The following STRN variants were observed in gnomAD, a reference collection of about 807,000 sequenced individuals.
STRN encodes the protein protein phosphatase 2 regulatory subunit B'''alpha.
In STRN, 53 loss-of-function variants were observed where a neutral mutation model predicts 96.3. That is an observed-to-expected ratio of 0.55 (90% CI 0.44 to 0.69). The LOEUF (loss-of-function observed/expected upper bound fraction) is 0.69. Ranked by LOEUF, STRN falls within the 30% of genes least tolerant of loss-of-function variation. STRN has a pLI of 0.00. For missense variants in STRN, 987 were observed against 963.9 expected (o/e 1.02, Z -0.32); for synonymous variants, 428 against 355.9 (o/e 1.20, Z -2.28).
chr2:36,911,184 A>C (rs181315158), intron 3 of STRN, among the ~76,000 whole-genome samples: 77 of 152,292 alleles, frequency 5.1e-4, no homozygotes, highest in African/African-American at 1.7e-3. Context: ...AAACTTCTAC[A>C]TCATCTTGAG....
At chr2:36,957,736 C>CTTTTTTTT (rs1470880818) in intron 1 of STRN, among the ~76,000 whole-genome samples, 1 of 96,298 alleles carries the variant, frequency 1.0e-5, no homozygotes, top group African/African-American at 3.5e-5. Context: ...CATAGTTCTT[C>CTTTTTTTT]TTTTTGTCTT....
rs1312697442 is a variant in STRN, at chr2:36,858,038, A to T, written c.1670-15T>A. 2.6e-6 allele frequency: 4 copies of T among 1,538,568 alleles called. No individual in the cohort carries two copies. Among genetic ancestry groups the T allele is most frequent in the Non-Finnish European group, 3.5e-6 (4 of 1,137,704 alleles). ...AACAGAAGGATCTATACAAAACAGT[A>T]AAAATGCAAAATCAGGAGAAAAACA... On this transcript the variant is annotated splice_polypyrimidine_tract_variant and intron_variant, in intron 13 of 17. Coordinates refer to ENST00000263918, the MANE Select transcript of STRN (RefSeq NM_003162.4).
At chr2:36,909,974 AC>A (rs1669922100) in intron 3 of STRN, among the ~76,000 whole-genome samples, 1 of 152,112 alleles carries the variant, frequency 6.6e-6, no homozygotes, top group Non-Finnish European at 1.5e-5. Context: ...GGAGTTCTAG[AC>A]CAGCCTGGCC....
rs957755080 is a variant in STRN at position 36,930,650 on chromosome 2, G to A, written c.235-5442C>T. 5.7e-4 allele frequency among the ~76,000 whole-genome samples: 86 copies of A among 152,096 alleles called. 1 individual carries two copies. The highest frequency in any genetic ancestry group is 6.8e-3 in the Middle Eastern group (2 of 294). ...CCTTGGAGAACCACTGACTTAAACC[G>A]TTTGTAACACAGTTAGGAGGCCAAA... On this transcript the variant is annotated intron_variant, in intron 1 of 17. Coordinates refer to ENST00000263918, the MANE Select transcript of STRN (RefSeq NM_003162.4).
intron 1 of STRN, among the ~76,000 whole-genome samples, chr2:36,935,369 A>T (rs747209262): frequency 1.2e-4 from 19 of 152,230 alleles, no homozygotes; most frequent in Non-Finnish European, 2.4e-4. Context: ...TATGAGACTT[A>T]TATTAATGTT....
intron 1 of STRN, among the ~76,000 whole-genome samples, chr2:36,962,926 A>G (rs1207367776): frequency 6.6e-6 from 1 of 152,186 alleles, no homozygotes; most frequent in Non-Finnish European, 1.5e-5. Flanking sequence ...CATCTAGCAC[A>G]ATGCCTCACA....
chr2:36,867,631 C>A, intron 12 of STRN, 183 bp downstream of exon 12: 2 of 389,794 alleles, frequency 5.1e-6, no homozygotes, highest in Non-Finnish European at 9.1e-6. Flanking sequence ...CTAATTTAAG[C>A]ACAAATCCCT....
intron 11 of STRN, among the ~76,000 whole-genome samples, chr2:36,868,862 G>T (rs1250803391): frequency 6.6e-6 from 1 of 150,824 alleles, no homozygotes; most frequent in Non-Finnish European, 1.5e-5. Flanking sequence ...TTTGCTGGCA[G>T]ATGCTGGTTC....
intron 9 of STRN, among the ~76,000 whole-genome samples, chr2:36,879,562 T>C (rs1270987375): frequency 6.6e-6 from 1 of 152,250 alleles, no homozygotes; most frequent in Non-Finnish European, 1.5e-5. Flanking sequence ...ATAATGATTT[T>C]ATTTAATTTG....
intron 1 of STRN, among the ~76,000 whole-genome samples, chr2:36,959,357 A>G (rs2148279449): frequency 6.6e-6 from 1 of 152,376 alleles, no homozygotes; most frequent in South Asian, 2.1e-4. Flanking sequence ...AGAAAACTGT[A>G]AAGAGTGCTG....
Position 36,846,430 on chromosome 2 carries a change from GT to G in STRN, c.*3025del, listed in dbSNP as rs1668079731. On this transcript the variant is annotated 3_prime_UTR_variant, in exon 18 of 18. Coordinates refer to ENST00000263918, the MANE Select transcript of STRN (RefSeq NM_003162.4). ...ATATATATATATATATATATATATA[GT>G]TTATATATTATATATATTCTTACAA... 1 of 63,666 alleles carries G rather than the reference GT, an allele frequency of 1.6e-5. No homozygotes were observed. The highest frequency in any genetic ancestry group is 5.0e-4 in the East Asian group (1 of 1,994). The allele number at this position is 63,666 out of a possible 1,614,324, so 3.9% of individuals were successfully genotyped here.
intron 1 of STRN, among the ~76,000 whole-genome samples, chr2:36,926,327 C>T (rs934474592): frequency 4.6e-5 from 7 of 152,184 alleles, no homozygotes; most frequent in African/African-American, 1.7e-4. Context: ...CATAATACCT[C>T]TTAAAAGTCA....
intron 12 of STRN, among the ~76,000 whole-genome samples, chr2:36,866,377 ATT>A (rs1668623718): frequency 6.6e-6 from 1 of 151,988 alleles, no homozygotes; most frequent in African/African-American, 2.4e-5. Context: ...ACTGACTTTT[ATT>A]TTTACTGTGT....
chr2:36,876,939 G>A (rs984326855), intron 10 of STRN, among the ~76,000 whole-genome samples: 3 of 151,884 alleles, frequency 2.0e-5, no homozygotes, highest in Admixed American at 6.6e-5. Context: ...TAATAGAGAC[G>A]GGTTTTCACC....
In STRN at chr2:36,859,809, C is replaced by G. The variant is rs1572627431; in HGVS notation, c.1669+1323G>C. ...AAAAGGATGGAGTTGTTAACAATCT[C>G]AGATACAGCCAATACATCCAGTAAA... On this transcript the variant is annotated intron_variant, in intron 13 of 17. Coordinates refer to ENST00000263918, the MANE Select transcript of STRN (RefSeq NM_003162.4). Among the ~76,000 whole-genome samples, 3 of 152,132 alleles carry G rather than the reference C, an allele frequency of 2.0e-5. No homozygotes were observed. In the East Asian group the frequency reaches 5.8e-4, roughly 29 times the overall value.
At chr2:36,946,913 T>C (rs77005920) in intron 1 of STRN, among the ~76,000 whole-genome samples, 4 of 152,094 alleles carry the variant, frequency 2.6e-5, no homozygotes, top group Non-Finnish European at 1.5e-5. Context: ...TTTTTTTTTT[T>C]GAGACGGATT....
In STRN at chr2:36,851,003, T is replaced by G. The variant is rs779543771; in HGVS notation, c.2083A>C (p.Thr695Pro). 1 of 1,603,122 alleles carries G rather than the reference T, an allele frequency of 6.2e-7. No homozygotes were observed. The stretch of plus-strand genomic sequence containing the variant: ...TCAATTCTTAATAAATTCTTACCTG[T>G]ATTGTTATCATAGAATTTGATGTGC... ...DRHIKFYDNN[T>P]GKLIHSMVAH... Residue 695 changes from threonine to proline, a missense_variant, in exon 16 of 18, where the codon ACA becomes CCA. Physicochemically the swap from Thr to Pro is conservative, Grantham distance 38. Coordinates refer to ENST00000263918, the MANE Select transcript of STRN (RefSeq NM_003162.4).
intron 2 of STRN, among the ~76,000 whole-genome samples, chr2:36,921,203 A>G (rs2148225675): frequency 6.6e-6 from 1 of 152,288 alleles, no homozygotes; most frequent in Admixed American, 6.5e-5. Context: ...AAGGGTACCA[A>G]TAAGCTTCCA....
chr2:36,916,881 A>ATC (rs1670113208), intron 2 of STRN, among the ~76,000 whole-genome samples: 1 of 152,096 alleles, frequency 6.6e-6, no homozygotes, highest in African/African-American at 2.4e-5. Context: ...AAAATAACCC[A>ATC]GATAATGTAG....
Sources: allele counts gnomAD v4.1 joint callset (sites outside exome capture counted in the v4.1 genomes callset), GRCh38; gene constraint gnomAD v4.1.1; transcripts MANE v1.5; gene names NCBI Gene and HGNC (gene_info 2026-07-23, HGNC 2026-07-21).